Variants in TIMM8B observed in about 807,000 individuals in gnomAD.
The protein encoded by TIMM8B is translocase of inner mitochondrial membrane 8 homolog B, also known as mitochondrial import inner membrane translocase subunit Tim8 B.
Under a neutral mutation model 8.5 loss-of-function variants are expected in TIMM8B, and 5 were observed. The observed-to-expected ratio is 0.59, with a 90% CI of 0.31 to 1.24. The LOEUF (loss-of-function observed/expected upper bound fraction) is 1.24, where lower values mean the gene tolerates loss of function less well. Among genes scored for constraint, TIMM8B ranks in the 50% most tolerant of loss-of-function variants. The pLI is 0.07. For synonymous variants in TIMM8B, 44 were observed against 39.9 expected, an observed-to-expected ratio of 1.10 and a Z score of -0.39; for missense variants, 104 against 109.2, an observed-to-expected ratio of 0.95 and a Z score of 0.21.
rs367779813 is a variant in TIMM8B, at chr11:112,086,731, C to T, written c.-8G>A. The T allele has an allele frequency of 1.1e-5, 18 of 1,601,870 alleles. No individual in the cohort carries two copies. The East Asian group carries it at 3.1e-4, about 28-fold the overall frequency. ...TTCGCCCAGCTCCGCCATTGTTCGC[C>T]TCAGGCTCGCCACCTTCCGACAGCT... On this transcript the variant is annotated 5_prime_UTR_variant, in exon 1 of 2. Coordinates refer to ENST00000504148, the MANE Select transcript of TIMM8B (RefSeq NM_012459.4).
Position 112,085,183 on chromosome 11 carries a change from CTTG to C in TIMM8B, c.*109_*111del, listed in dbSNP as rs1865562497. 1 of 791,704 alleles carries C rather than the reference CTTG, an allele frequency of 1.3e-6. No homozygotes were observed. Among genetic ancestry groups the C allele is most frequent in the Non-Finnish European group, 1.9e-6 (1 of 530,538 alleles). 49.0% of individuals were successfully genotyped at this position (791,704 alleles called of 1,614,324 possible). On this transcript the variant is annotated 3_prime_UTR_variant, in exon 2 of 2. Transcript: ENST00000504148. Reference sequence around the variant, plus strand: ...TCTTTTACTTTTTAGCACCAACAGACTTGATAACAGCCTGATGCTGATCTGACA... The same window carrying C: ...TCTTTTACTTTTTAGCACCAACAGACATAACAGCCTGATGCTGATCTGACA...
At position 112,085,140 on chromosome 11, in the gene TIMM8B, C is replaced by A; in HGVS notation, c.*155G>T. 2 of 503,560 alleles carry A rather than the reference C, an allele frequency of 4.0e-6. No homozygotes were observed. Among genetic ancestry groups the A allele is most frequent in the East Asian group, 3.2e-5 (1 of 31,580 alleles). The allele number at this position is 503,560 out of a possible 1,614,324, so 31.2% of individuals were successfully genotyped here. A position where few individuals can be genotyped will look rare whatever the true frequency, so the allele number is the denominator to read the frequency against. On this transcript the variant is annotated 3_prime_UTR_variant, in exon 2 of 2. Coordinates refer to ENST00000504148, the MANE Select transcript of TIMM8B (RefSeq NM_012459.4). ...TTCTGAATTCCAAATAAATAAATTT[C>A]ACTCTTTGAACATTTCATCTTTTAC...
At chr11:112,086,401 T>A in intron 1 of TIMM8B, 1 of 719,622 alleles carries the variant, frequency 1.4e-6, no homozygotes, top group Non-Finnish European at 2.4e-6. Context: ...TACCCTTGCG[T>A]CGCCCAAATC....
At position 112,085,203 on chromosome 11, in the gene TIMM8B, G is replaced by T; in HGVS notation, c.*92C>A. On this transcript the variant is annotated 3_prime_UTR_variant, in exon 2 of 2. Transcript: ENST00000504148. ...ACAGACTTGATAACAGCCTGATGCTGATCTGACAATGGGTTGATAGCCTTC... is the reference window on the plus strand; with the variant it reads ...ACAGACTTGATAACAGCCTGATGCTTATCTGACAATGGGTTGATAGCCTTC... 1.4e-5 allele frequency: 14 copies of T among 1,015,590 alleles called. No homozygotes were observed. The highest frequency in any genetic ancestry group is 1.8e-5 in the Non-Finnish European group (13 of 704,806). The allele number at this position is 1,015,590 out of a possible 1,614,324, so 62.9% of individuals were successfully genotyped here.
At position 112,085,240 on chromosome 11, in the gene TIMM8B, C is replaced by G; in HGVS notation, c.*55G>C. 6.6e-7 allele frequency: 1 copy of G among 1,511,288 alleles called. No individual in the cohort carries two copies. Among genetic ancestry groups the G allele is most frequent in the African/African-American group, 1.4e-5 (1 of 72,920 alleles). 93.6% of individuals were successfully genotyped at this position (1,511,288 alleles called of 1,614,324 possible). A position where few individuals can be genotyped will look rare whatever the true frequency, so the allele number is the denominator to read the frequency against. ...GGTTGATAGCCTTCCCCCACTGACC[C>G]TTAAATCTGCTTAGTAACAAGTCCT... On this transcript the variant is annotated 3_prime_UTR_variant, in exon 2 of 2. Coordinates refer to ENST00000504148, the MANE Select transcript of TIMM8B (RefSeq NM_012459.4).
In TIMM8B at chr11:112,086,672, CGGCCACCAGG is replaced by C; in HGVS notation, c.42_51del (p.Leu15ProfsTer31). ...GTAAACTGCGCCTTCTGCTGCTCGG[CGGCCACCAGG>C]CGCTGCAACTCCGCTTCATCGGCTT... On this transcript the variant is annotated frameshift_variant, in exon 1 of 2. Transcript: ENST00000504148. LOFTEE classifies it high-confidence loss of function. The C allele has an allele frequency of 6.2e-7, 1 of 1,601,954 alleles. No homozygotes were observed. The highest frequency in any genetic ancestry group is 1.1e-5 in the South Asian group (1 of 90,182).
At position 112,086,714 on chromosome 11, in the gene TIMM8B, G is replaced by C; in HGVS notation, c.10C>G (p.Leu4Val). MAE[L>V]GEADEAELQR... ...AACTCCGCTTCATCGGCTTCGCCCA[G>C]CTCCGCCATTGTTCGCCTCAGGCTC... Residue 4 changes from leucine to valine, a missense_variant, in exon 1 of 2, where the codon CTG (leucine) becomes GTG (valine). Leu to Val is a conservative substitution (Grantham distance 32). Coordinates refer to ENST00000504148, the MANE Select transcript of TIMM8B (RefSeq NM_012459.4). 6.2e-7 allele frequency: 1 copy of C among 1,602,520 alleles called. No homozygotes were observed. Among genetic ancestry groups the C allele is most frequent in the Non-Finnish European group, 8.5e-7 (1 of 1,176,996 alleles).
chr11:112,086,022 C>T lies in TIMM8B; in HGVS notation c.85-560G>A, dbSNP rs1296776371. 4.3e-6 allele frequency: 5 copies of T among 1,161,186 alleles called. No homozygotes were observed. In the South Asian group the frequency reaches 6.9e-5, roughly 16 times the overall value. The allele number at this position is 1,161,186 out of a possible 1,614,324, so 71.9% of individuals were successfully genotyped here. ...TAAGAAATCAGTTCTCTCTAAGGTC[C>T]TCAAGGATAGCTGTCATCACCTCCC... On this transcript the variant is annotated intron_variant, in intron 1 of 1. Transcript: ENST00000504148.
At position 112,086,698 on chromosome 11, in the gene TIMM8B, T is replaced by A. The variant is rs1865608637; in HGVS notation, c.26A>T (p.Glu9Val). MAELGEAD[E>V]AELQRLVAAE... The stretch of plus-strand genomic sequence containing the variant: ...GGCCACCAGGCGCTGCAACTCCGCT[T>A]CATCGGCTTCGCCCAGCTCCGCCAT... The change falls in exon 1 of 2, where the codon GAA becomes GTA. Residue 9 changes from glutamate to valine, a missense_variant. By Grantham distance (121) the Glu-to-Val change is moderately radical. Coordinates refer to ENST00000504148, the MANE Select transcript of TIMM8B (RefSeq NM_012459.4). The A allele has an allele frequency of 6.2e-7, 1 of 1,603,380 alleles. No individual in the cohort carries two copies. Among genetic ancestry groups the A allele is most frequent in the African/African-American group, 1.3e-5 (1 of 74,876 alleles).
In TIMM8B at chr11:112,086,552, G is replaced by C. The variant is rs1865603475; in HGVS notation, c.84+88C>G. On this transcript the variant is annotated intron_variant, in intron 1 of 1. Transcript: ENST00000504148. ...GATGCAGCCGGGATCGAGCACCAGT[G>C]AGCCGCCAGTGTACAGACCTCCGAG... 2.7e-6 allele frequency: 4 copies of C among 1,471,582 alleles called. 1 individual carries two copies. In the South Asian group the frequency reaches 4.1e-5, roughly 15 times the overall value. The allele number at this position is 1,471,582 out of a possible 1,614,324, so 91.2% of individuals were successfully genotyped here.
Position 112,085,385 on chromosome 11 carries a change from A to C in TIMM8B, c.162T>G (p.Asn54Lys). Residue 54 changes from asparagine to lysine, a missense_variant, in exon 2 of 2, where the codon AAT (asparagine) becomes AAG (lysine). Asn to Lys is a moderately conservative substitution (Grantham distance 94). Transcript: ENST00000504148. The stretch of plus-strand genomic sequence containing the variant: ...AGCGGTCTACACAGCTGGAGAGACA[A>C]TTTTCAGTGCGAGAGTCTAGGCGAT... ...PGNRLDSRTE[N>K]CLSSCVDRFI... The C allele has an allele frequency of 6.2e-7, 1 of 1,614,024 alleles. No individual in the cohort carries two copies. The highest frequency in any genetic ancestry group is 8.5e-7 in the Non-Finnish European group (1 of 1,180,018).
intron 1 of TIMM8B, chr11:112,086,194 G>T: frequency 1.9e-6 from 1 of 539,554 alleles, no homozygotes; most frequent in Non-Finnish European, 3.3e-6. Flanking sequence ...CTCCGATAAT[G>T]TTCTAGTCGT....
intron 1 of TIMM8B, chr11:112,086,421 T>G (rs563473019): frequency 6.0e-5 from 48 of 795,646 alleles, no homozygotes; most frequent in Non-Finnish European, 8.8e-5. Flanking sequence ...CTTCCCTGTT[T>G]TACACCTTTT....
chr11:112,085,843 T>C, intron 1 of TIMM8B: 1 of 264,088 alleles, frequency 3.8e-6, no homozygotes, highest in Non-Finnish European at 6.6e-6. Context: ...AAAATGCACA[T>C]ACAGGCACAG....
intron 1 of TIMM8B, 75 bp from the exon 2 acceptor site, chr11:112,085,537 T>C (rs957632517): frequency 2.7e-5 from 35 of 1,291,004 alleles, no homozygotes; most frequent in Non-Finnish European, 3.1e-5. Context: ...TTCTCACTTT[T>C]TGACACCTGA....
intron 1 of TIMM8B, 111 bp from the exon 2 acceptor site, chr11:112,085,573 G>A (rs1865577704): frequency 3.4e-6 from 3 of 885,402 alleles, no homozygotes; most frequent in Non-Finnish European, 5.0e-6. Flanking sequence ...AATCAACCAC[G>A]GAGTCACTTT....
Position 112,086,684 on chromosome 11 carries a change from G to C in TIMM8B, c.40C>G (p.Arg14Gly), listed in dbSNP as rs1442870745. 6.2e-7 allele frequency: 1 copy of C among 1,603,300 alleles called. No homozygotes were observed. Among genetic ancestry groups the C allele is most frequent in the Non-Finnish European group, 8.5e-7 (1 of 1,178,600 alleles). The change falls in exon 1 of 2, where the codon CGC (arginine) becomes GGC (glycine). Residue 14 changes from arginine (R) to glycine (G), a missense_variant. Coordinates refer to ENST00000504148, the MANE Select transcript of TIMM8B (RefSeq NM_012459.4). ...TTCTGCTGCTCGGCGGCCACCAGGC[G>C]CTGCAACTCCGCTTCATCGGCTTCG... ...LGEADEAELQ[R>G]LVAAEQQKAQ...
intron 1 of TIMM8B, chr11:112,086,084 A>G (rs750808279): frequency 4.1e-6 from 5 of 1,207,098 alleles, no homozygotes; most frequent in Non-Finnish European, 5.3e-6. Flanking sequence ...AAGGTCATGT[A>G]GCCAGCAAGA....
At chr11:112,085,913 G>T (rs1865586508) in intron 1 of TIMM8B, 1 of 717,834 alleles carries the variant, frequency 1.4e-6, no homozygotes, top group Non-Finnish European at 1.8e-6. Context: ...CAGGGTTCTT[G>T]CTGGTCATCC....
Sources: allele counts gnomAD v4.1 joint callset, GRCh38; gene constraint gnomAD v4.1.1; transcripts MANE v1.5; gene names NCBI Gene and HGNC (gene_info 2026-07-23, HGNC 2026-07-21).